Variants in EVC observed in about 807,000 individuals in gnomAD.
The protein encoded by EVC is EvC ciliary complex subunit 1.
In EVC, 116 loss-of-function variants were observed where a neutral mutation model predicts 118.9. That is an observed-to-expected ratio of 0.98 (90% confidence interval 0.84 to 1.14). The LOEUF is 1.14. EVC is among the 50% of genes most tolerant of loss of function. The probability of loss-of-function intolerance (pLI) is 0.00; values close to 1 mark genes in which losing one functional copy is unlikely to be tolerated. For synonymous variants in EVC, 619 were observed against 534.7 expected (o/e 1.16, Z -2.18); for missense variants, 1,401 against 1,246.4 (o/e 1.12, Z -1.87).
chr4:5,813,534 G>T lies in EVC; in HGVS notation c.*2497G>T, dbSNP rs1178180914. On this transcript the variant is annotated 3_prime_UTR_variant, in exon 21 of 21. Transcript: ENST00000264956. ...AAATCACTTTTATATTGTCACATGG[G>T]CCCTCTGCACAGAGTCCGATGGCTC... 1 of 152,174 alleles carries T rather than the reference G, an allele frequency of 6.6e-6. No individual in the cohort carries two copies. Among genetic ancestry groups the T allele is most frequent in the Non-Finnish European group, 1.5e-5 (1 of 68,066 alleles). The allele number at this position is 152,174 out of a possible 1,614,324, so 9.4% of individuals were successfully genotyped here. A position where few individuals can be genotyped will look rare whatever the true frequency, so the allele number is the denominator to read the frequency against.
At chr4:5,796,809 G>T (rs910845672) in intron 13 of EVC, among the ~76,000 whole-genome samples, 1 of 151,792 alleles carries the variant, frequency 6.6e-6, no homozygotes, top group African/African-American at 2.4e-5. Flanking sequence ...AGCCAGGCAG[G>T]ATGTGATGAG....
chr4:5,800,783 G>A (rs1714823734), intron 15 of EVC, among the ~76,000 whole-genome samples: 1 of 152,192 alleles, frequency 6.6e-6, no homozygotes, highest in African/African-American at 2.4e-5. Context: ...CAGGGGCTCG[G>A]GAGTTAGAAG....
At chr4:5,819,488 T>A in the EVC span, among the ~76,000 whole-genome samples, 2 of 152,246 alleles carry the variant, frequency 1.3e-5, no homozygotes, top group African/African-American at 2.4e-5. Context: ...CCTGTAACTG[T>A]GCCTCTTGGA....
intron 11 of EVC, among the ~76,000 whole-genome samples, chr4:5,762,791 T>A (rs1286718695): frequency 2.5e-5 from 2 of 81,578 alleles, no homozygotes; most frequent in African/African-American, 9.2e-5. Flanking sequence ...CATTGTAGAT[T>A]CTGGATATTA....
At chr4:5,740,196 A>G (rs945179186) in intron 5 of EVC, among the ~76,000 whole-genome samples, 1 of 151,880 alleles carries the variant, frequency 6.6e-6, no homozygotes, top group African/African-American at 2.4e-5. Flanking sequence ...ATTGCCAGGC[A>G]TGGTTGGCTC....
the EVC span, chr4:5,824,648 T>TG: frequency 1.1e-6 from 1 of 943,448 alleles, no homozygotes; most frequent in Non-Finnish European, 1.3e-6. Flanking sequence ...AAATGGCTAT[T>TG]GAATATAACA....
the EVC span, among the ~76,000 whole-genome samples, chr4:5,827,253 T>TGCCTCTTCAGTGGGTGTCC: frequency 6.6e-6 from 1 of 152,246 alleles, no homozygotes; most frequent in African/African-American, 2.4e-5. Context: ...GGGGTGTGTC[T>TGCCTCTTCAGTGGGTGTCC]GCCTCTTCAG....
At chr4:5,820,610 C>T in the EVC span, among the ~76,000 whole-genome samples, 1 of 152,154 alleles carries the variant, frequency 6.6e-6, no homozygotes, top group African/African-American at 2.4e-5. Flanking sequence ...CTCAGGAACT[C>T]AGCCTTCAGA....
intron 6 of EVC, among the ~76,000 whole-genome samples, chr4:5,744,946 T>C (rs1324135152): frequency 2.0e-5 from 3 of 151,186 alleles, no homozygotes; most frequent in African/African-American, 7.3e-5. Context: ...TACTATTTTA[T>C]TGATTTTTAA....
intron 2 of EVC, among the ~76,000 whole-genome samples, chr4:5,724,863 G>A (rs1725560140): frequency 6.6e-6 from 1 of 152,002 alleles, no homozygotes; most frequent in African/African-American, 2.4e-5. Context: ...TATTCTCCCT[G>A]ATCCTCTCCC....
intron 13 of EVC, among the ~76,000 whole-genome samples, chr4:5,794,598 A>G (rs929942319): frequency 2.6e-5 from 4 of 151,208 alleles, no homozygotes; most frequent in African/African-American, 9.7e-5. Flanking sequence ...TTTTGTAGAG[A>G]TGGGGTTTCA....
chr4:5,711,600 C>G (rs1035132634), intron 1 of EVC, 46 bp downstream of exon 1: 107 of 1,159,102 alleles, frequency 9.2e-5, no homozygotes, highest in Non-Finnish European at 6.0e-5. Context: ...GCGCGGGGCG[C>G]GTGGCTTCTG....
chr4:5,773,803 C>T (rs577363369), intron 11 of EVC, among the ~76,000 whole-genome samples: 1 of 152,136 alleles, frequency 6.6e-6, no homozygotes, highest in African/African-American at 2.4e-5. Context: ...CTCAAGCTCA[C>T]CTGTGCTCTC....
intron 12 of EVC, among the ~76,000 whole-genome samples, chr4:5,788,217 C>T (rs1318655286): frequency 6.6e-6 from 1 of 152,192 alleles, no homozygotes; most frequent in Non-Finnish European, 1.5e-5. Context: ...TATTGTCTCA[C>T]AATTTCTGTG....
the EVC span, among the ~76,000 whole-genome samples, chr4:5,820,099 T>G: frequency 6.6e-6 from 1 of 152,204 alleles, no homozygotes; most frequent in Non-Finnish European, 1.5e-5. Context: ...AAGTGTGTGA[T>G]CCTAAACAAG....
At position 5,775,249 on chromosome 4, in the gene EVC, A is replaced by T. The variant is rs184543205; in HGVS notation, c.1564-8303A>T. 1.2e-3 allele frequency among the ~76,000 whole-genome samples: 189 copies of T among 152,246 alleles called. 1 individual carries two copies. The highest frequency in any genetic ancestry group is 6.8e-3 in the Middle Eastern group (2 of 294). On this transcript the variant is annotated intron_variant, in intron 11 of 20. Transcript: ENST00000264956. ...ACTCATTGAAAGTGTTTTTACTGTG[A>T]AATATAAGACATATGAATAAATAAA...
At chr4:5,784,372 C>T (rs144684408) in intron 12 of EVC, among the ~76,000 whole-genome samples, 6 of 152,166 alleles carry the variant, frequency 3.9e-5, no homozygotes, top group African/African-American at 9.6e-5. Context: ...AATGGTGTGG[C>T]TGTGAGTCTA....
At chr4:5,796,918 C>A (rs1714063871) in intron 13 of EVC, 104 bp from the exon 14 acceptor site, 1 of 887,126 alleles carries the variant, frequency 1.1e-6, no homozygotes, top group Admixed American at 1.7e-5. Context: ...CAACCTGCTT[C>A]CTTTTGGAGG....
intron 11 of EVC, among the ~76,000 whole-genome samples, chr4:5,767,195 TC>T (rs1733020642): frequency 6.6e-6 from 1 of 152,040 alleles, no homozygotes; most frequent in African/African-American, 2.4e-5. Flanking sequence ...TGGGGATGCC[TC>T]CCAGTTAGGC....
Sources: allele counts gnomAD v4.1 joint callset (sites outside exome capture counted in the v4.1 genomes callset), GRCh38; gene constraint gnomAD v4.1.1; transcripts MANE v1.5; gene names NCBI Gene and HGNC (gene_info 2026-07-23, HGNC 2026-07-21).